PPP2R2C: variants seen among roughly 807,000 people sequenced by gnomAD.
PPP2R2C encodes the protein protein phosphatase 2 regulatory subunit Bgamma.
A neutral mutation model predicts 45.3 loss-of-function variants in PPP2R2C; 10 were observed. That is an observed-to-expected ratio of 0.22 (90% CI 0.14 to 0.37). The LOEUF is 0.37. Among genes scored for constraint, PPP2R2C ranks in the 10% least tolerant of loss-of-function variants. The pLI, the probability that PPP2R2C is intolerant of heterozygous loss-of-function variation, is 1.00. For synonymous variants in PPP2R2C, 257 were observed against 245.4 expected (o/e 1.05, Z -0.44); for missense variants, 308 against 619.7 (o/e 0.50, Z 5.34).
At chr4:6,511,576 GC>G in intron 2 of PPP2R2C, among the ~76,000 whole-genome samples, 1 of 28,980 alleles carries the variant, frequency 3.5e-5, no homozygotes, top group Non-Finnish European at 7.0e-5. Flanking sequence ...GGTGGTGATG[GC>G]GGTGGTGGTG....
intron 1 of PPP2R2C, among the ~76,000 whole-genome samples, chr4:6,427,819 A>G (rs988881418): frequency 6.6e-6 from 1 of 152,224 alleles, no homozygotes; most frequent in African/African-American, 2.4e-5. Flanking sequence ...TCTAACACAC[A>G]TGAGGTGTAG....
rs1329534284 is a variant in PPP2R2C, at chr4:6,471,291, A to G, written c.70+869T>C. Reference sequence around the variant, plus strand: ...CCCGAGCCCAGACCTCCCGGTCCCCATCCTCCATCGGGGTCACTCCGCGGG... The same window carrying G: ...CCCGAGCCCAGACCTCCCGGTCCCCGTCCTCCATCGGGGTCACTCCGCGGG... On this transcript the variant is annotated intron_variant, in intron 1 of 8. Transcript: ENST00000382599. The surrounding 1 kb of genome is among the most constrained non-coding windows in gnomAD (Gnocchi z 5.6). 1.3e-5 allele frequency among the ~76,000 whole-genome samples: 2 copies of G among 152,080 alleles called. No individual in the cohort carries two copies. Among genetic ancestry groups the G allele is most frequent in the African/African-American group, 4.8e-5 (2 of 41,426 alleles).
upstream of PPP2R2C, among the ~76,000 whole-genome samples, chr4:6,472,802 C>G (rs1302623269): frequency 9.9e-5 from 15 of 151,974 alleles, no homozygotes; most frequent in Admixed American, 9.8e-4. Context: ...AGACCGCCAG[C>G]TTGCGGGGAG....
intron 2 of PPP2R2C, among the ~76,000 whole-genome samples, chr4:6,484,845 A>G (rs1301433642): frequency 1.3e-5 from 2 of 151,912 alleles, no homozygotes; most frequent in South Asian, 2.1e-4. Context: ...TGGATTTTCT[A>G]CATAAATAAT....
intron 7 of PPP2R2C, 83 bp downstream of exon 7, chr4:6,333,479 C>T: frequency 6.7e-7 from 1 of 1,491,534 alleles, no homozygotes; most frequent in Non-Finnish European, 9.1e-7. Flanking sequence ...AAAGCCACGC[C>T]TGGCTAGGAA....
intron 1 of PPP2R2C, among the ~76,000 whole-genome samples, chr4:6,389,001 G>A (rs1577137494): frequency 6.6e-6 from 1 of 151,976 alleles, no homozygotes; most frequent in Middle Eastern, 3.4e-3. Context: ...CGTGCCACCT[G>A]GGGGAGACAT....
At chr4:6,350,533 T>G (rs1712450747) in intron 5 of PPP2R2C, 1 of 985,164 alleles carries the variant, frequency 1.0e-6, no homozygotes, top group African/African-American at 1.7e-5. Context: ...GAGTTCTGTT[T>G]GCGTCATCAG....
At chr4:6,425,660 G>T (rs553078989) in intron 1 of PPP2R2C, among the ~76,000 whole-genome samples, 1 of 152,070 alleles carries the variant, frequency 6.6e-6, no homozygotes, top group African/African-American at 2.4e-5. Context: ...CCTTCATCAC[G>T]TGCAGGAACT....
chr4:6,335,794 G>A (rs1361108590), intron 6 of PPP2R2C, among the ~76,000 whole-genome samples: 4 of 152,088 alleles, frequency 2.6e-5, no homozygotes, highest in Non-Finnish European at 4.4e-5. Flanking sequence ...AGGCTCCCAC[G>A]TTTATGTTCA....
chr4:6,414,571 T>A (rs763211505), intron 1 of PPP2R2C, among the ~76,000 whole-genome samples: 34 of 151,908 alleles, frequency 2.2e-4, no homozygotes, highest in Admixed American at 4.6e-4. Flanking sequence ...ACAGCCAGTA[T>A]CTGGATCTCA....
intron 2 of PPP2R2C, among the ~76,000 whole-genome samples, chr4:6,525,274 A>T (rs1724161989): frequency 6.6e-6 from 1 of 151,606 alleles, no homozygotes; most frequent in African/African-American, 2.4e-5. Context: ...GCATGGTGGC[A>T]TGTGCCTGTA....
intron 5 of PPP2R2C, among the ~76,000 whole-genome samples, chr4:6,363,923 T>A (rs975597535): frequency 1.3e-5 from 2 of 152,190 alleles, no homozygotes; most frequent in Non-Finnish European, 2.9e-5. Flanking sequence ...TGCCTTTCCA[T>A]CAAGGACTTT....
chr4:6,475,569 C>T (rs114146167), upstream of PPP2R2C, among the ~76,000 whole-genome samples: 70 of 152,358 alleles, frequency 4.6e-4, no homozygotes, highest in African/African-American at 1.7e-3. Flanking sequence ...AATGACTTTC[C>T]TGTTCCTGGA....
chr4:6,410,006 C>G (rs1255118211), intron 1 of PPP2R2C, among the ~76,000 whole-genome samples: 1 of 152,220 alleles, frequency 6.6e-6, no homozygotes, highest in African/African-American at 2.4e-5. Context: ...GTGTCATCAT[C>G]TGCATGACAT....
At chr4:6,343,044 G>A (rs941409339) in intron 6 of PPP2R2C, among the ~76,000 whole-genome samples, 3 of 152,214 alleles carry the variant, frequency 2.0e-5, no homozygotes, top group Non-Finnish European at 4.4e-5. Context: ...TACATGGATG[G>A]AAGTGGGAGG....
intron 6 of PPP2R2C, among the ~76,000 whole-genome samples, chr4:6,334,038 G>GA (rs1732636659): frequency 6.6e-6 from 1 of 152,194 alleles, no homozygotes; most frequent in African/African-American, 2.4e-5. Context: ...AGCTATACTT[G>GA]ATGTGCTGCC....
chr4:6,454,572 C>T (rs1048759767), intron 1 of PPP2R2C, among the ~76,000 whole-genome samples: 1 of 152,226 alleles, frequency 6.6e-6, no homozygotes, highest in Non-Finnish European at 1.5e-5. Flanking sequence ...AGTCCACCCA[C>T]CAGCTTGGAA....
At chr4:6,380,692 G>A (rs1449063975) in intron 2 of PPP2R2C, among the ~76,000 whole-genome samples, 1 of 152,072 alleles carries the variant, frequency 6.6e-6, no homozygotes, top group African/African-American at 2.4e-5. Context: ...AGGGGGCTCA[G>A]AACCTGGCTT....
intron 1 of PPP2R2C, among the ~76,000 whole-genome samples, chr4:6,415,130 G>C (rs1017355159): frequency 6.6e-6 from 1 of 152,204 alleles, no homozygotes; most frequent in African/African-American, 2.4e-5. Context: ...CATGCGCCTC[G>C]TCCGCATGCT....
Sources: gnomAD v4.1 joint callset for allele counts (sites outside exome capture counted in the v4.1 genomes callset) on GRCh38, gnomAD v4.1.1 for gene constraint, Gnocchi (gnomAD v3.1) non-coding constraint, MANE v1.5 for transcripts, NCBI Gene and HGNC (gene_info 2026-07-23, HGNC 2026-07-21) for gene names.